IL1RAPL1: variants seen among roughly 807,000 people sequenced by gnomAD.
The protein encoded by IL1RAPL1 is interleukin-1 receptor accessory protein-like 1.
A neutral mutation model predicts 48.4 loss-of-function variants in IL1RAPL1; 3 were observed. The observed-to-expected ratio is 0.06, with a 90% CI of 0.03 to 0.16. The LOEUF is 0.16. Ranked by LOEUF, IL1RAPL1 falls within the 10% of genes least tolerant of loss-of-function variation. The pLI is 1.00. For synonymous variants in IL1RAPL1, 185 were observed against 187.7 expected, an observed-to-expected ratio of 0.99 and a Z score of 0.12; for missense variants, 349 against 530.6, an observed-to-expected ratio of 0.66 and a Z score of 3.36.
intron 5 of IL1RAPL1, among the ~76,000 whole-genome samples, chrX:29,589,231 T>G (rs1248230541): frequency 8.9e-6 from 1 of 112,065 alleles, no homozygotes; most frequent in Admixed American, 9.5e-5. Flanking sequence ...TAACTCATTT[T>G]ATAGCATTCT....
chrX:29,490,145 A>G lies in IL1RAPL1; in HGVS notation c.703+90837A>G, dbSNP rs1244342573. ...GACAATTCCAGGCAGCATGGTACAT[A>G]GGAACTCTATAAAAATTATTGAATA... On this transcript the variant is annotated intron_variant, in intron 5 of 10. Transcript: ENST00000378993. 5.4e-5 allele frequency among the ~76,000 whole-genome samples: 6 copies of G among 111,150 alleles called. No individual in the cohort carries two copies. In the Admixed American group the frequency reaches 5.8e-4, roughly 11 times the overall value.
chrX:29,107,220 T>C (rs1928466164), intron 2 of IL1RAPL1, among the ~76,000 whole-genome samples: 1 of 112,477 alleles, frequency 8.9e-6, no homozygotes, highest in African/African-American at 3.2e-5. Flanking sequence ...TCTCAAATTA[T>C]TATTTGTTCT....
At chrX:29,019,592 T>C (rs946335734) in intron 2 of IL1RAPL1, among the ~76,000 whole-genome samples, 1 of 111,060 alleles carries the variant, frequency 9.0e-6, no homozygotes, top group Non-Finnish European at 1.9e-5. Context: ...GGGGTGACAA[T>C]GGGGATAAAA....
chrX:28,768,265 T>C (rs1373612099), intron 1 of IL1RAPL1, among the ~76,000 whole-genome samples: 4 of 111,263 alleles, frequency 3.6e-5, no homozygotes, highest in Non-Finnish European at 5.7e-5. Context: ...CTTTACTTTG[T>C]ATTATATAAA....
At chrX:29,508,050 C>A (rs1602270243) in intron 5 of IL1RAPL1, among the ~76,000 whole-genome samples, 1 of 111,391 alleles carries the variant, frequency 9.0e-6, no homozygotes, top group Non-Finnish European at 1.9e-5. Context: ...TGACAGATAA[C>A]AATTTTGGTG....
chrX:28,892,881 G>T (rs1358627233), intron 2 of IL1RAPL1, among the ~76,000 whole-genome samples: 1 of 111,521 alleles, frequency 9.0e-6, no homozygotes, highest in Non-Finnish European at 1.9e-5. Context: ...AGAAAAACAG[G>T]TATTAAAGGC....
chrX:29,031,758 G>A (rs1036860192), intron 2 of IL1RAPL1, among the ~76,000 whole-genome samples: 5 of 110,910 alleles, frequency 4.5e-5, no homozygotes, highest in African/African-American at 1.6e-4. Context: ...ACAATCATAC[G>A]GATCCTTTTA....
intron 1 of IL1RAPL1, among the ~76,000 whole-genome samples, chrX:28,687,168 A>T (rs1335214493): frequency 9.0e-6 from 1 of 111,437 alleles, no homozygotes; most frequent in Non-Finnish European, 1.9e-5. Flanking sequence ...TTATTTGTCT[A>T]CTAGCTAGAA....
At chrX:28,815,042 A>C (rs1936845859) in intron 2 of IL1RAPL1, among the ~76,000 whole-genome samples, 1 of 110,705 alleles carries the variant, frequency 9.0e-6, no homozygotes, top group Non-Finnish European at 1.9e-5. Flanking sequence ...TTTACCTAAT[A>C]CATTGTTACT....
rs193099859 is a variant in IL1RAPL1, at chrX:28,678,024, C to T, written c.-25+89977C>T. ...ATCTCAAGTCTGACTGCTCGCCAGTCAGAGGCCAAAAACATGAGAAGTGAG... is the reference window on the plus strand; with the variant it reads ...ATCTCAAGTCTGACTGCTCGCCAGTTAGAGGCCAAAAACATGAGAAGTGAG... On this transcript the variant is annotated intron_variant, in intron 1 of 10. Coordinates refer to ENST00000378993, the MANE Select transcript of IL1RAPL1 (RefSeq NM_014271.4). 2.7e-5 allele frequency among the ~76,000 whole-genome samples: 3 copies of T among 110,916 alleles called. No individual in the cohort carries two copies. In the East Asian group the frequency reaches 8.5e-4, roughly 31 times the overall value.
At chrX:29,332,105 T>TA (rs2147634408) in intron 3 of IL1RAPL1, among the ~76,000 whole-genome samples, 1 of 88,880 alleles carries the variant, frequency 1.1e-5, no homozygotes, top group African/African-American at 4.8e-5. Context: ...CTTTTTTTTT[T>TA]TTTTTTTTTT....
intron 5 of IL1RAPL1, among the ~76,000 whole-genome samples, chrX:29,417,486 G>A (rs1934232159): frequency 1.8e-5 from 2 of 111,527 alleles, no homozygotes; most frequent in South Asian, 7.4e-4. Context: ...TTCTATGTAA[G>A]ATGTAAAGAA....
chrX:28,754,275 G>C lies in IL1RAPL1; in HGVS notation c.-24-35045G>C, dbSNP rs185677831. Among the ~76,000 whole-genome samples, 11 of 111,300 alleles carry C rather than the reference G, an allele frequency of 9.9e-5. No individual in the cohort carries two copies. In the Admixed American group the frequency reaches 1.1e-3, roughly 11 times the overall value. ...AAATCTTTTCTCTTCATCATTAAAT[G>C]CTTTTACAGATGGAAACATTCATTT... On this transcript the variant is annotated intron_variant, in intron 1 of 10. Coordinates refer to ENST00000378993, the MANE Select transcript of IL1RAPL1 (RefSeq NM_014271.4).
chrX:28,774,135 C>T (rs1264668900), intron 1 of IL1RAPL1, among the ~76,000 whole-genome samples: 1 of 111,766 alleles, frequency 8.9e-6, no homozygotes, highest in Non-Finnish European at 1.9e-5. Context: ...TTCAAGACCT[C>T]AATCCTGAGC....
chrX:29,682,222 A>G (rs1926474309), intron 6 of IL1RAPL1, among the ~76,000 whole-genome samples: 1 of 111,606 alleles, frequency 9.0e-6, no homozygotes, highest in African/African-American at 3.3e-5. Flanking sequence ...TGTATATGTT[A>G]TGTGTCTGCC....
chrX:28,664,933 GT>G (rs1934859481), intron 1 of IL1RAPL1, among the ~76,000 whole-genome samples: 1 of 84,668 alleles, frequency 1.2e-5, no homozygotes, highest in South Asian at 6.9e-4. Flanking sequence ...GTCTCCAATT[GT>G]TTTTGTTCAT....
intron 2 of IL1RAPL1, among the ~76,000 whole-genome samples, chrX:29,263,719 C>A (rs1421298399): frequency 1.8e-5 from 2 of 111,044 alleles, no homozygotes; most frequent in Non-Finnish European, 3.8e-5. Context: ...GCACTAGAGA[C>A]AGTAGGGATA....
intron 2 of IL1RAPL1, among the ~76,000 whole-genome samples, chrX:28,847,203 T>A (rs1267586311): frequency 5.4e-5 from 6 of 111,043 alleles, no homozygotes; most frequent in African/African-American, 2.0e-4. Context: ...CACTCCAGTC[T>A]ATCAGCAAAT....
chrX:29,659,060 T>C (rs1421162105), intron 5 of IL1RAPL1, among the ~76,000 whole-genome samples: 2 of 111,748 alleles, frequency 1.8e-5, no homozygotes, highest in African/African-American at 3.3e-5. Context: ...AAAATTCATA[T>C]GGAACGAAAT....
Sources: allele counts gnomAD v4.1 joint callset (sites outside exome capture counted in the v4.1 genomes callset), GRCh38; gene constraint gnomAD v4.1.1; transcripts MANE v1.5; gene names NCBI Gene and HGNC (gene_info 2026-07-23, HGNC 2026-07-21).